The following SLCO2A1 variants were observed in gnomAD, a reference collection of about 807,000 sequenced individuals.
SLCO2A1 encodes the protein matrin F/G 1.
Under a neutral mutation model 71.7 loss-of-function variants are expected in SLCO2A1, and 60 were observed. The ratio of observed to expected loss-of-function variants is 0.84; its 90% CI spans 0.68 to 1.04. The LOEUF is 1.04. Among genes scored for constraint, SLCO2A1 ranks in the 50% least tolerant of loss-of-function variants. The pLI is 0.00. For missense variants in SLCO2A1, 745 were observed against 813.4 expected, an observed-to-expected ratio of 0.92 and a Z score of 1.02; for synonymous variants, 308 against 326.7, an observed-to-expected ratio of 0.94 and a Z score of 0.62.
At chr3:133,965,618 A>T (rs1186544173) in intron 3 of SLCO2A1, among the ~76,000 whole-genome samples, 1 of 85,022 alleles carries the variant, frequency 1.2e-5, no homozygotes, top group Non-Finnish European at 2.7e-5. Context: ...CAAGGAATTC[A>T]GCTAGTCAGC....
chr3:133,990,935 C>A (rs1470862676), intron 1 of SLCO2A1, among the ~76,000 whole-genome samples: 1 of 152,056 alleles, frequency 6.6e-6, no homozygotes, highest in Non-Finnish European at 1.5e-5. Flanking sequence ...CATGGTAAAA[C>A]CCCATCTCTA....
intron 1 of SLCO2A1, among the ~76,000 whole-genome samples, chr3:134,025,038 T>C (rs911806989): frequency 3.9e-5 from 6 of 152,024 alleles, no homozygotes; most frequent in Non-Finnish European, 5.9e-5. Flanking sequence ...AAAGTGACTC[T>C]GAAGAAGACG....
chr3:134,006,475 A>C (rs1935218461), intron 1 of SLCO2A1, among the ~76,000 whole-genome samples: 1 of 151,814 alleles, frequency 6.6e-6, no homozygotes, highest in Non-Finnish European at 1.5e-5. Context: ...ATAACTCCCC[A>C]TTTCCCCTTA....
intron 6 of SLCO2A1, 38 bp from the exon 7 acceptor site, chr3:133,949,009 G>T (rs766412302): frequency 9.1e-6 from 14 of 1,546,404 alleles, no homozygotes; most frequent in Non-Finnish European, 1.3e-5. Flanking sequence ...CACGGCCCAG[G>T]CTCACTGTAG....
intron 1 of SLCO2A1, among the ~76,000 whole-genome samples, chr3:133,990,876 G>A (rs1422285491): frequency 6.6e-6 from 1 of 152,118 alleles, no homozygotes; most frequent in Non-Finnish European, 1.5e-5. Context: ...TTGAGAGGCT[G>A]AAGCGGGCAG....
chr3:133,934,525 C>T lies in SLCO2A1; in HGVS notation c.*188G>A, dbSNP rs1933217235. The T allele has an allele frequency of 3.1e-5, 16 of 520,546 alleles. No individual in the cohort carries two copies. The South Asian group carries it at 3.3e-4, about 11-fold the overall frequency. The allele number at this position is 520,546 out of a possible 1,614,324, so 32.2% of individuals were successfully genotyped here. On this transcript the variant is annotated 3_prime_UTR_variant, in exon 14 of 14. Transcript: ENST00000310926. ...AGTTCTGGCCCACACAGCCCGGGTA[C>T]ACAGTGGCCCTTAGGAACTGTGGGG... is the stretch of plus-strand genomic sequence containing the variant.
chr3:133,981,704 C>T (rs754771588), intron 1 of SLCO2A1, among the ~76,000 whole-genome samples: 5 of 152,160 alleles, frequency 3.3e-5, no homozygotes, highest in Admixed American at 6.5e-5. Flanking sequence ...AGGCTGGGCG[C>T]GGTGGCTCAT....
intron 1 of SLCO2A1, among the ~76,000 whole-genome samples, chr3:134,000,902 C>T (rs556906169): frequency 6.6e-6 from 1 of 152,340 alleles, no homozygotes; most frequent in Non-Finnish European, 1.5e-5. Context: ...CACATCTGCA[C>T]ATTTCCCTTG....
intron 1 of SLCO2A1, among the ~76,000 whole-genome samples, chr3:134,026,468 G>A (rs1275270688): frequency 6.6e-6 from 1 of 151,944 alleles, no homozygotes; most frequent in Non-Finnish European, 1.5e-5. Flanking sequence ...GCGAACTCCT[G>A]GGCTTCCCTG....
intron 1 of SLCO2A1, among the ~76,000 whole-genome samples, chr3:134,000,202 G>C (rs1474427142): frequency 6.6e-6 from 1 of 152,208 alleles, no homozygotes; most frequent in African/African-American, 2.4e-5. Context: ...CGAGTGCAGG[G>C]AGGCAGCTTG....
rs113147743 is a variant in SLCO2A1, at chr3:133,946,236, G to GAAA, written c.1296-979_1296-977dup. ...CAAAGACAGAGGAGGTCATTTCAAAGAAAAAAAAAAAAAAACAGAGAAAAT... is the reference window on the plus strand; with the variant it reads ...CAAAGACAGAGGAGGTCATTTCAAAGAAAAAAAAAAAAAAAAAACAGAGAAAAT... On this transcript the variant is annotated intron_variant, in intron 9 of 13. Coordinates refer to ENST00000310926, the MANE Select transcript of SLCO2A1 (RefSeq NM_005630.3). 2.8e-3 allele frequency among the ~76,000 whole-genome samples: 264 copies of GAAA among 94,438 alleles called. 3 individuals are homozygous for GAAA. Among genetic ancestry groups the GAAA allele is most frequent in the African/African-American group, 9.4e-3 (245 of 26,002 alleles). 62.0% of individuals were successfully genotyped at this position (94,438 alleles called of 152,430 possible).
At chr3:134,029,604 G>C (rs1935780074) in intron 1 of SLCO2A1, 103 bp downstream of exon 1, 1 of 870,742 alleles carries the variant, frequency 1.1e-6, no homozygotes, top group Admixed American at 2.8e-5. Flanking sequence ...GAGGGAGCCC[G>C]GGGCTCCCGG....
At chr3:134,000,302 G>A (rs576715049) in intron 1 of SLCO2A1, among the ~76,000 whole-genome samples, 77 of 152,302 alleles carry the variant, frequency 5.1e-4, no homozygotes, top group African/African-American at 1.7e-3. Flanking sequence ...CCAGGGACAC[G>A]GGTCTGAGTG....
At chr3:133,982,295 G>A (rs1349177768) in intron 1 of SLCO2A1, among the ~76,000 whole-genome samples, 1 of 152,116 alleles carries the variant, frequency 6.6e-6, no homozygotes, top group Non-Finnish European at 1.5e-5. Context: ...AAAGACTAAT[G>A]CCCCCAAAGC....
intron 1 of SLCO2A1, among the ~76,000 whole-genome samples, chr3:133,985,546 TC>T (rs1247372345): frequency 2.6e-5 from 4 of 152,244 alleles, no homozygotes; most frequent in Non-Finnish European, 4.4e-5. Flanking sequence ...GTATATACCA[TC>T]ATTTTCTATC....
rs763520757 is a variant in SLCO2A1, at chr3:133,979,490, G to A, written c.225C>T (p.Ser75=). 3 of 1,614,182 alleles carry A rather than the reference G, an allele frequency of 1.9e-6. No individual in the cohort carries two copies. The highest frequency in any genetic ancestry group is 2.2e-5 in the East Asian group (1 of 44,880). The change falls in exon 2 of 14, where the codon AGC becomes AGT. Residue 75 remains serine (S), a synonymous_variant. Coordinates refer to ENST00000310926, the MANE Select transcript of SLCO2A1 (RefSeq NM_005630.3). The stretch of plus-strand genomic sequence containing the variant: ...AGAACCTCCTGCTCACCTCATTCAA[G>A]CTGGAAATGAGACCCGATGAAGAAC... ...LSSSSSGLIS[S]LNEISNAILI...
chr3:133,933,655 G>C lies in SLCO2A1; in HGVS notation c.*1058C>G, dbSNP rs1231718591. On this transcript the variant is annotated 3_prime_UTR_variant, in exon 14 of 14. Transcript: ENST00000310926. ...GAAAGCCAACCTGACTGGCTGTTTT[G>C]TGGGCCGCAGCTTGCCATCCAGCTT... 6.6e-6 allele frequency: 1 copy of C among 152,234 alleles called. No individual in the cohort carries two copies. Among genetic ancestry groups the C allele is most frequent in the Non-Finnish European group, 1.5e-5 (1 of 68,072 alleles). The allele number at this position is 152,234 out of a possible 1,614,324, so 9.4% of individuals were successfully genotyped here.
intron 1 of SLCO2A1, among the ~76,000 whole-genome samples, chr3:133,987,133 C>G (rs1010910254): frequency 3.6e-5 from 3 of 82,812 alleles, no homozygotes; most frequent in Non-Finnish European, 7.7e-5. Flanking sequence ...AATTCAAAGC[C>G]CCCCCCCCCG....
At chr3:134,029,677 G>A (rs776305622) in intron 1 of SLCO2A1, 30 bp downstream of exon 1, 3 of 1,538,940 alleles carry the variant, frequency 1.9e-6, no homozygotes, top group Non-Finnish European at 2.6e-6. Context: ...GCGCGGCTCC[G>A]GCCCGGAAGA....
Sources: gnomAD v4.1 joint callset for allele counts (sites outside exome capture counted in the v4.1 genomes callset) on GRCh38, gnomAD v4.1.1 for gene constraint, MANE v1.5 for transcripts, NCBI Gene and HGNC (gene_info 2026-07-23, HGNC 2026-07-21) for gene names.